DEPTOR: variants seen among roughly 807,000 people sequenced by gnomAD.
DEPTOR encodes DEP domain containing MTOR interacting protein.
Under a neutral mutation model 41.6 loss-of-function variants are expected in DEPTOR, and 41 were observed. That is an observed-to-expected ratio of 0.98 (90% CI 0.77 to 1.28). The LOEUF (loss-of-function observed/expected upper bound fraction) is 1.28, where lower values mean the gene tolerates loss of function less well. Ranked by LOEUF, DEPTOR falls within the 50% of genes most tolerant of loss-of-function variation. The probability of loss-of-function intolerance (pLI) is 0.00; values close to 1 mark genes in which losing one functional copy is unlikely to be tolerated. For missense variants in DEPTOR, 514 were observed against 527.9 expected, an observed-to-expected ratio of 0.97 and a Z score of 0.26; for synonymous variants, 195 against 192.3, an observed-to-expected ratio of 1.01 and a Z score of -0.12.
intron 1 of DEPTOR, among the ~76,000 whole-genome samples, chr8:119,919,043 C>T (rs1436991940): frequency 6.6e-6 from 1 of 151,742 alleles, no homozygotes; most frequent in Non-Finnish European, 1.5e-5. Flanking sequence ...TTATATAAAC[C>T]AGTTCTATTC....
chr8:120,011,245 A>G (rs1456676960), intron 8 of DEPTOR, among the ~76,000 whole-genome samples: 1 of 152,136 alleles, frequency 6.6e-6, no homozygotes, highest in Non-Finnish European at 1.5e-5. Context: ...GGCTGCTTCC[A>G]CCTTTTGATT....
At chr8:119,878,293 G>C (rs1827253892) in intron 1 of DEPTOR, among the ~76,000 whole-genome samples, 1 of 150,768 alleles carries the variant, frequency 6.6e-6, no homozygotes, top group African/African-American at 2.4e-5. Context: ...GAGATTACAG[G>C]CATGAGCTGC....
intron 8 of DEPTOR, 87 bp downstream of exon 8, chr8:120,009,220 C>A: frequency 8.6e-7 from 1 of 1,163,196 alleles, no homozygotes; most frequent in Non-Finnish European, 1.2e-6. Context: ...GGGATCCAAA[C>A]CCATCTTATT....
At chr8:120,030,914 G>T (rs1469324891) in intron 8 of DEPTOR, among the ~76,000 whole-genome samples, 2 of 152,058 alleles carry the variant, frequency 1.3e-5, no homozygotes, top group African/African-American at 4.8e-5. Context: ...GTACCACTCA[G>T]GTAGGGGGTG....
At chr8:120,009,630 AAAC>A (rs367837597) in intron 8 of DEPTOR, among the ~76,000 whole-genome samples, 20 of 150,362 alleles carry the variant, frequency 1.3e-4, no homozygotes, top group South Asian at 4.2e-4. Context: ...AAACAAAACA[AAAC>A]AACAACAACA....
At chr8:119,944,888 T>G (rs1828251831) in intron 3 of DEPTOR, among the ~76,000 whole-genome samples, 1 of 152,082 alleles carries the variant, frequency 6.6e-6, no homozygotes, top group Non-Finnish European at 1.5e-5. Flanking sequence ...TCTCTTGACC[T>G]CATGATCTGC....
chr8:119,949,113 T>G (rs1828320047), intron 3 of DEPTOR, among the ~76,000 whole-genome samples: 1 of 152,224 alleles, frequency 6.6e-6, no homozygotes, highest in African/African-American at 2.4e-5. Context: ...TAATTTTATA[T>G]CAATGGAATA....
At chr8:120,046,633 AT>A (rs1813157687) in intron 8 of DEPTOR, among the ~76,000 whole-genome samples, 1 of 152,044 alleles carries the variant, frequency 6.6e-6, no homozygotes, top group African/African-American at 2.4e-5. Flanking sequence ...AGATATATAT[AT>A]TTTGTAGAGA....
Position 120,030,497 on chromosome 8 carries a change from G to GTTTGTTTTTTTT in DEPTOR, c.1102-19076_1102-19075insGTTTTTTTTTTT, listed in dbSNP as rs1207108457. Among the ~76,000 whole-genome samples, 33 of 46,210 alleles carry GTTTGTTTTTTTT rather than the reference G, an allele frequency of 7.1e-4. 1 individual carries two copies. Among genetic ancestry groups the GTTTGTTTTTTTT allele is most frequent in the East Asian group, 1.3e-3 (2 of 1,490 alleles). 30.3% of individuals were successfully genotyped at this position (46,210 alleles called of 152,430 possible). A position where few individuals can be genotyped will look rare whatever the true frequency, so the allele number is the denominator to read the frequency against. On this transcript the variant is annotated intron_variant, in intron 8 of 8. Coordinates refer to ENST00000286234, the MANE Select transcript of DEPTOR (RefSeq NM_022783.4). ...AATGATGTATTGTGTAGGTTCATCA[G>GTTTGTTTTTTTT]TTTTTTTTTTTTTTTTTTTTTTTTT...
At chr8:119,920,361 T>C (rs553641578) in intron 1 of DEPTOR, among the ~76,000 whole-genome samples, 2 of 152,308 alleles carry the variant, frequency 1.3e-5, no homozygotes, top group Admixed American at 6.5e-5. Context: ...TGTCATCTAG[T>C]TGTAATACAG....
intron 1 of DEPTOR, among the ~76,000 whole-genome samples, chr8:119,885,506 A>G (rs1165547257): frequency 1.3e-5 from 2 of 152,208 alleles, no homozygotes; most frequent in African/African-American, 4.8e-5. Flanking sequence ...ATAAATTCTA[A>G]CGGTAGAAAC....
At chr8:119,925,462 A>T (rs1211561592) in intron 1 of DEPTOR, among the ~76,000 whole-genome samples, 1 of 152,114 alleles carries the variant, frequency 6.6e-6, no homozygotes, top group Non-Finnish European at 1.5e-5. Flanking sequence ...TCAGATCTTG[A>T]GATTTATTCA....
intron 4 of DEPTOR, among the ~76,000 whole-genome samples, chr8:119,983,887 G>A (rs918939915): frequency 6.6e-6 from 1 of 152,044 alleles, no homozygotes; most frequent in African/African-American, 2.4e-5. Context: ...TCCTTTGAGG[G>A]TCTGTTGACA....
At chr8:119,952,054 G>C (rs1257385295) in intron 3 of DEPTOR, among the ~76,000 whole-genome samples, 2 of 152,084 alleles carry the variant, frequency 1.3e-5, no homozygotes, top group Non-Finnish European at 2.9e-5. Context: ...AGAATTGCTT[G>C]AACCCAGGAG....
chr8:119,982,558 C>T (rs957373174), intron 4 of DEPTOR, among the ~76,000 whole-genome samples: 2 of 152,176 alleles, frequency 1.3e-5, no homozygotes, highest in African/African-American at 4.8e-5. Flanking sequence ...TGTTTAGCAA[C>T]ACATAACAGA....
chr8:120,011,339 G>A (rs1254732330), intron 8 of DEPTOR, among the ~76,000 whole-genome samples: 5 of 152,260 alleles, frequency 3.3e-5, no homozygotes, highest in East Asian at 1.9e-4. Context: ...TTGCGAAGGC[G>A]GTGCATGGCA....
intron 4 of DEPTOR, among the ~76,000 whole-genome samples, chr8:119,996,979 T>C (rs1433330203): frequency 1.3e-5 from 2 of 152,198 alleles, no homozygotes; most frequent in East Asian, 3.8e-4. Flanking sequence ...TGTAAAAATT[T>C]GACTATCCAC....
In DEPTOR at chr8:119,979,082, G is replaced by A. The variant is rs117999577; in HGVS notation, c.604+13672G>A. 4.9e-3 allele frequency among the ~76,000 whole-genome samples: 753 copies of A among 152,156 alleles called. 4 individuals carry two copies. Among genetic ancestry groups the A allele is most frequent in the Middle Eastern group, 6.8e-3 (2 of 294 alleles). On this transcript the variant is annotated intron_variant, in intron 4 of 8. Coordinates refer to ENST00000286234, the MANE Select transcript of DEPTOR (RefSeq NM_022783.4). ...TAAGCAAACTCATCAGTGTGACCAC[G>A]GAACGGTATGAAGATGAAATTTAAG...
chr8:120,036,726 C>T (rs1439451669), intron 8 of DEPTOR, among the ~76,000 whole-genome samples: 2 of 152,152 alleles, frequency 1.3e-5, no homozygotes, highest in African/African-American at 4.8e-5. Flanking sequence ...TAGATACAAG[C>T]CAATCTTGAC....
Sources: allele counts gnomAD v4.1 joint callset (sites outside exome capture counted in the v4.1 genomes callset), GRCh38; gene constraint gnomAD v4.1.1; transcripts MANE v1.5; gene names NCBI Gene and HGNC (gene_info 2026-07-23, HGNC 2026-07-21).